Variants in GPHN observed in about 807,000 individuals in gnomAD.
GPHN encodes gephyrin.
A neutral mutation model predicts 95.5 loss-of-function variants in GPHN; 17 were observed. That is an observed-to-expected ratio of 0.18 (90% CI 0.12 to 0.27). The LOEUF (loss-of-function observed/expected upper bound fraction) is 0.27. Ranked by LOEUF, GPHN falls within the 10% of genes least tolerant of loss-of-function variation. GPHN has a pLI of 1.00. For missense variants in GPHN, 660 were observed against 978.1 expected (o/e 0.67, Z 4.34); for synonymous variants, 320 against 322.5 (o/e 0.99, Z 0.08).
intron 9 of GPHN, among the ~76,000 whole-genome samples, chr14:66,986,356 A>G (rs1445618095): frequency 6.6e-6 from 1 of 152,136 alleles, no homozygotes; most frequent in Non-Finnish European, 1.5e-5. Context: ...TGATACAACA[A>G]TCAACAGAAC....
At chr14:67,605,969 G>A in the GPHN span, among the ~76,000 whole-genome samples, 1 of 152,290 alleles carries the variant, frequency 6.6e-6, no homozygotes, top group South Asian at 2.1e-4. Flanking sequence ...TTACAGGTGT[G>A]AGCCACCGTA....
chr14:67,070,350 C>T (rs920022990), intron 11 of GPHN, among the ~76,000 whole-genome samples: 3 of 147,308 alleles, frequency 2.0e-5, no homozygotes, highest in Non-Finnish European at 4.5e-5. Context: ...TATATACACA[C>T]ATATATATAT....
chr14:67,414,576 T>C, the GPHN span, among the ~76,000 whole-genome samples: 1 of 152,236 alleles, frequency 6.6e-6, no homozygotes, highest in Non-Finnish European at 1.5e-5. Context: ...GCTCCTCCCC[T>C]TTTTGTCCCG....
At chr14:67,683,282 T>TA in the GPHN span, among the ~76,000 whole-genome samples, 1 of 151,890 alleles carries the variant, frequency 6.6e-6, no homozygotes, top group Non-Finnish European at 1.5e-5. Context: ...GATAAAGGGT[T>TA]ATTTTTTTTT....
chr14:67,510,960 C>T, the GPHN span, among the ~76,000 whole-genome samples: 2 of 152,154 alleles, frequency 1.3e-5, no homozygotes, highest in Non-Finnish European at 2.9e-5. Flanking sequence ...TATCTTGAAG[C>T]ATGAATCACC....
At chr14:67,165,113 C>T (rs2140001267) in intron 19 of GPHN, 49 bp from the exon 20 acceptor site, 1 of 1,221,494 alleles carries the variant, frequency 8.2e-7, no homozygotes, top group Non-Finnish European at 1.2e-6. Flanking sequence ...TTAATGTATT[C>T]ATCATATTGC....
the GPHN span, among the ~76,000 whole-genome samples, chr14:67,637,114 A>C: frequency 1.3e-5 from 2 of 152,216 alleles, no homozygotes; most frequent in African/African-American, 4.8e-5. Flanking sequence ...ACTCTGATAA[A>C]GAAATAGCTT....
chr14:66,749,325 T>C (rs912863676), intron 2 of GPHN, among the ~76,000 whole-genome samples: 1 of 152,006 alleles, frequency 6.6e-6, no homozygotes, highest in Non-Finnish European at 1.5e-5. Context: ...GGCTTTTGTG[T>C]GGACATAGTT....
intron 1 of GPHN, among the ~76,000 whole-genome samples, chr14:66,523,270 A>G (rs1224621283): frequency 1.3e-5 from 2 of 152,122 alleles, no homozygotes; most frequent in South Asian, 2.1e-4. Flanking sequence ...ATTGCTAAAT[A>G]TATAGACCTT....
the GPHN span, chr14:67,690,587 TAAC>T: frequency 1.6e-6 from 1 of 620,584 alleles, no homozygotes; most frequent in Non-Finnish European, 2.8e-6. Flanking sequence ...TTTAGGGAAA[TAAC>T]AACAGCCAAA....
At chr14:67,049,889 G>A (rs1030159955) in intron 10 of GPHN, among the ~76,000 whole-genome samples, 3 of 152,106 alleles carry the variant, frequency 2.0e-5, no homozygotes, top group Non-Finnish European at 4.4e-5. Context: ...AAGCCTCGTG[G>A]CACATAAAAA....
the GPHN span, chr14:67,617,287 T>C: frequency 6.6e-6 from 1 of 152,218 alleles, no homozygotes; most frequent in Non-Finnish European, 1.5e-5. Context: ...TTTTTTTGTT[T>C]TTGTTTTTGT....
the GPHN span, among the ~76,000 whole-genome samples, chr14:67,518,225 T>C: frequency 6.6e-6 from 1 of 152,142 alleles, no homozygotes; most frequent in Non-Finnish European, 1.5e-5. Context: ...AGGAGCGGTG[T>C]GGTGGTATGG....
the GPHN span, among the ~76,000 whole-genome samples, chr14:67,701,072 A>C: frequency 6.6e-6 from 1 of 151,766 alleles, no homozygotes; most frequent in Non-Finnish European, 1.5e-5. Context: ...AGTTGACAAA[A>C]AGGTTGAAGG....
chr14:66,816,587 T>G (rs1007102417), intron 3 of GPHN, among the ~76,000 whole-genome samples: 3 of 152,094 alleles, frequency 2.0e-5, no homozygotes, highest in African/African-American at 7.2e-5. Context: ...CAAAAATCAA[T>G]AAGTTCTTTG....
the GPHN span, chr14:67,387,208 C>T: frequency 1.1e-6 from 1 of 881,914 alleles, no homozygotes; most frequent in Non-Finnish European, 1.7e-6. Context: ...TGGCAGCATT[C>T]ACTCTCCAAA....
the GPHN span, among the ~76,000 whole-genome samples, chr14:67,429,802 G>A: frequency 2.5e-4 from 38 of 152,170 alleles, 1 homozygote; most frequent in South Asian, 6.4e-3. Flanking sequence ...AGGTTTTACC[G>A]CATGCCAGAT....
rs555292879 is a variant in GPHN at position 66,735,907 on chromosome 14, T to G, written c.144-40557T>G. The stretch of plus-strand genomic sequence containing the variant: ...ATTTTTATTTCTTGTTTAATACTTA[T>G]AGCAATCTTAAGATATATAATGATG... On this transcript the variant is annotated intron_variant, in intron 2 of 22. Coordinates refer to ENST00000478722, the MANE Select transcript of GPHN (RefSeq NM_020806.5). 6.6e-5 allele frequency among the ~76,000 whole-genome samples: 10 copies of G among 152,248 alleles called. No homozygotes were observed. The South Asian group carries it at 2.1e-3, about 32-fold the overall frequency.
the GPHN span, among the ~76,000 whole-genome samples, chr14:67,496,797 T>TG: frequency 7.0e-6 from 1 of 142,648 alleles, no homozygotes; most frequent in African/African-American, 2.6e-5. Flanking sequence ...TGTCTTTCTT[T>TG]CTTGCTTGCT....
Sources: gnomAD v4.1 joint callset for allele counts (sites outside exome capture counted in the v4.1 genomes callset) on GRCh38, gnomAD v4.1.1 for gene constraint, MANE v1.5 for transcripts, NCBI Gene and HGNC (gene_info 2026-07-23, HGNC 2026-07-21) for gene names.